The following CYFIP2 variants were observed in gnomAD, a reference collection of about 807,000 sequenced individuals.
CYFIP2 encodes cytoplasmic FMR1 interacting protein 2.
A neutral mutation model predicts 158.7 loss-of-function variants in CYFIP2; 29 were observed. That is an observed-to-expected ratio of 0.18 (90% confidence interval 0.14 to 0.25). The LOEUF is 0.25. Ranked by LOEUF, CYFIP2 falls within the 10% of genes least tolerant of loss-of-function variation. The probability of loss-of-function intolerance (pLI) is 1.00; values close to 1 mark genes in which losing one functional copy is unlikely to be tolerated. For missense variants in CYFIP2, 852 were observed against 1,639.5 expected (o/e 0.52, Z 8.29); for synonymous variants, 585 against 617.6 (o/e 0.95, Z 0.78).
rs556206081 is a variant in CYFIP2 at position 157,335,251 on chromosome 5, TA to T, written c.2385+1806del. On this transcript the variant is annotated intron_variant, in intron 21 of 30. Coordinates refer to ENST00000620254, the MANE Select transcript of CYFIP2 (RefSeq NM_001037333.3). ...GGGTTACTATAAGGATAAAATGAGA[TA>T]CTACCTGTTTTTTTGTTTGTTTGTT... 7.8e-4 allele frequency among the ~76,000 whole-genome samples: 119 copies of T among 152,268 alleles called. 1 individual carries two copies. Among genetic ancestry groups the T allele is most frequent in the African/African-American group, 2.7e-3 (112 of 41,564 alleles).
At chr5:157,306,403 A>C (rs1262418920) in intron 8 of CYFIP2, among the ~76,000 whole-genome samples, 1 of 152,140 alleles carries the variant, frequency 6.6e-6, no homozygotes, top group African/African-American at 2.4e-5. Context: ...AGTAGTCTTA[A>C]TGCGGCCTTC....
intron 21 of CYFIP2, among the ~76,000 whole-genome samples, chr5:157,334,385 G>T (rs551101808): frequency 1.2e-4 from 19 of 152,222 alleles, no homozygotes; most frequent in African/African-American, 4.3e-4. Flanking sequence ...CCTACAAATG[G>T]TTAAAATGTT....
intron 26 of CYFIP2, among the ~76,000 whole-genome samples, chr5:157,369,111 C>G (rs1187350324): frequency 6.6e-6 from 1 of 152,048 alleles, no homozygotes; most frequent in African/African-American, 2.4e-5. Context: ...ATCGGCCAGG[C>G]TGGTTCTAAC....
intron 1 of CYFIP2, among the ~76,000 whole-genome samples, chr5:157,267,290 G>A (rs1755684701): frequency 6.6e-6 from 1 of 152,252 alleles, no homozygotes; most frequent in Non-Finnish European, 1.5e-5. Flanking sequence ...GACGGAGGCA[G>A]GCCTGCTGGC....
intron 1 of CYFIP2, among the ~76,000 whole-genome samples, chr5:157,280,169 A>G (rs1242345086): frequency 6.6e-6 from 1 of 152,122 alleles, no homozygotes; most frequent in Admixed American, 6.6e-5. Context: ...ACAGAGGAGA[A>G]CTTAATGGTT....
At chr5:157,374,635 A>G (rs144317916) in intron 26 of CYFIP2, among the ~76,000 whole-genome samples, 1 of 152,240 alleles carries the variant, frequency 6.6e-6, no homozygotes, top group African/African-American at 2.4e-5. Context: ...TCCTCCTGAA[A>G]TGCCCACTTC....
chr5:157,345,186 G>A (rs551387391), intron 23 of CYFIP2, among the ~76,000 whole-genome samples: 5 of 152,296 alleles, frequency 3.3e-5, no homozygotes, highest in East Asian at 1.9e-4. Context: ...TTTCGACCAC[G>A]ATGAAAAGAG....
At position 157,304,273 on chromosome 5, in the gene CYFIP2, T is replaced by C; in HGVS notation, c.702T>C (p.Tyr234=). The C allele has an allele frequency of 6.2e-7, 1 of 1,613,638 alleles. No homozygotes were observed. The highest frequency in any genetic ancestry group is 8.5e-7 in the Non-Finnish European group (1 of 1,179,900). ...LHQQLEVIPG[Y]EELLADIVNI... ...AGCAACTTGAAGTGATCCCAGGCTA[T>C]GAGGAGCTGCTGGCTGACATTGTCA... The change falls in exon 8 of 31, where the codon TAT becomes TAC. Residue 234 remains tyrosine (Y), a synonymous_variant. Coordinates refer to ENST00000620254, the MANE Select transcript of CYFIP2 (RefSeq NM_001037333.3).
intron 30 of CYFIP2, among the ~76,000 whole-genome samples, chr5:157,391,359 C>T (rs1193116560): frequency 6.6e-6 from 1 of 152,170 alleles, no homozygotes; most frequent in Non-Finnish European, 1.5e-5. Context: ...GCATGAAGTA[C>T]ACAAGTATTG....
chr5:157,333,572 A>G (rs1343297151), intron 21 of CYFIP2, 126 bp downstream of exon 21: 1 of 1,351,538 alleles, frequency 7.4e-7, no homozygotes, highest in Non-Finnish European at 1.0e-6. Flanking sequence ...TTCCCATCTG[A>G]ATGGAGCTGG....
chr5:157,284,221 C>G (rs1321598166), intron 1 of CYFIP2, among the ~76,000 whole-genome samples: 1 of 152,120 alleles, frequency 6.6e-6, no homozygotes, highest in East Asian at 1.9e-4. Flanking sequence ...TTGAGTGTAA[C>G]ATTAACTTCA....
intron 3 of CYFIP2, 57 bp from the exon 4 acceptor site, chr5:157,294,726 T>C: frequency 1.3e-6 from 2 of 1,502,176 alleles, no homozygotes; most frequent in Non-Finnish European, 1.8e-6. Flanking sequence ...TGGGGGCTTT[T>C]GCAGCCTGGT....
At chr5:157,352,283 G>A (rs1037584013) in intron 23 of CYFIP2, among the ~76,000 whole-genome samples, 8 of 152,264 alleles carry the variant, frequency 5.3e-5, no homozygotes, top group Admixed American at 3.9e-4. Flanking sequence ...GCATCATACC[G>A]TCATACTACC....
At chr5:157,344,603 A>C (rs763673314) in intron 23 of CYFIP2, among the ~76,000 whole-genome samples, 1 of 152,180 alleles carries the variant, frequency 6.6e-6, no homozygotes, top group Non-Finnish European at 1.5e-5. Context: ...CAAGTATTTT[A>C]GTTTCTCTCA....
chr5:157,299,624 G>A (rs1354532347), intron 5 of CYFIP2, among the ~76,000 whole-genome samples: 1 of 152,172 alleles, frequency 6.6e-6, no homozygotes, highest in Non-Finnish European at 1.5e-5. Context: ...TCCTAGGCCA[G>A]GCGTGGTGGT....
intron 21 of CYFIP2, among the ~76,000 whole-genome samples, chr5:157,337,020 AAC>A (rs1761904166): frequency 6.6e-6 from 1 of 152,202 alleles, no homozygotes; most frequent in Non-Finnish European, 1.5e-5. Context: ...ACAGAACGAT[AAC>A]ACAGAAATTG....
intron 26 of CYFIP2, among the ~76,000 whole-genome samples, chr5:157,369,524 C>T (rs1764768423): frequency 6.6e-6 from 1 of 152,174 alleles, no homozygotes; most frequent in Non-Finnish European, 1.5e-5. Context: ...CCTCTAAAAT[C>T]CTCAAGATAC....
chr5:157,333,343 T>C lies in CYFIP2; in HGVS notation c.2282T>C (p.Ile761Thr), dbSNP rs771896801. ...QRHVQLLGRSIDLNRLITQRI... is the reference protein window; with the variant it reads ...QRHVQLLGRSTDLNRLITQRI... ...TTCATCCAGCTGTTGGGTAGATCAA[T>C]TGACTTGAACAGACTCATTACCCAG... Residue 761 changes from isoleucine to threonine, a missense_variant, in exon 21 of 31, where the codon ATT (isoleucine) becomes ACT (threonine). Ile to Thr is a moderately conservative substitution (Grantham distance 89). Around this residue, in one of 8 missense-constraint regions of CYFIP2, gnomAD observed 191 missense variants for 311.2 expected, o/e 0.61. Coordinates refer to ENST00000620254, the MANE Select transcript of CYFIP2 (RefSeq NM_001037333.3). The C allele has an allele frequency of 6.2e-7, 1 of 1,613,846 alleles. No homozygotes were observed.
At chr5:157,351,320 A>C (rs1192511473) in intron 23 of CYFIP2, among the ~76,000 whole-genome samples, 1 of 152,214 alleles carries the variant, frequency 6.6e-6, no homozygotes, top group South Asian at 2.1e-4. Flanking sequence ...CAGAGGCTAT[A>C]ATGAGCAAAG....
Sources: allele counts gnomAD v4.1 joint callset (sites outside exome capture counted in the v4.1 genomes callset), GRCh38; gene constraint gnomAD v4.1.1; regional missense constraint gnomAD v4.1.1; transcripts MANE v1.5; gene names NCBI Gene and HGNC (gene_info 2026-07-23, HGNC 2026-07-21).